SIDT1: variants seen among roughly 807,000 people sequenced by gnomAD.
SIDT1 encodes the protein SID1 transmembrane family member 1, also known as SID1 transmembrane family, member 1.
Under a neutral mutation model 107.5 loss-of-function variants are expected in SIDT1, and 101 were observed. That is an observed-to-expected ratio of 0.94 (90% CI 0.80 to 1.11). The LOEUF (loss-of-function observed/expected upper bound fraction) is 1.11. SIDT1 is among the 50% of genes least tolerant of loss of function. SIDT1 has a pLI of 0.00. For missense variants in SIDT1, 1,076 were observed against 1,058.2 expected, an observed-to-expected ratio of 1.02 and a Z score of -0.23; for synonymous variants, 395 against 398.2, an observed-to-expected ratio of 0.99 and a Z score of 0.10.
intron 1 of SIDT1, among the ~76,000 whole-genome samples, chr3:113,564,762 G>A (rs989440257): frequency 6.6e-6 from 1 of 152,172 alleles, no homozygotes. Context: ...AGTGTGAGGT[G>A]CCTGTGGAAG....
At chr3:113,604,301 C>G (rs1159609523) in intron 13 of SIDT1, among the ~76,000 whole-genome samples, 3 of 152,210 alleles carry the variant, frequency 2.0e-5, no homozygotes, top group African/African-American at 7.2e-5. Flanking sequence ...GACAGCTCCT[C>G]CCCTTATTTT....
intron 1 of SIDT1, among the ~76,000 whole-genome samples, chr3:113,556,832 T>TTTTTTTC (rs1387740383): frequency 6.2e-5 from 9 of 144,116 alleles, no homozygotes; most frequent in Non-Finnish European, 1.1e-4. Flanking sequence ...TTTTTTTTTT[T>TTTTTTTC]TTTTTGAAAT....
intron 17 of SIDT1, among the ~76,000 whole-genome samples, chr3:113,608,990 T>C (rs1205993079): frequency 6.6e-6 from 1 of 151,870 alleles, no homozygotes; most frequent in Non-Finnish European, 1.5e-5. Flanking sequence ...GCAAGGAAGT[T>C]GTTTTTTGAG....
chr3:113,609,055 A>ATTTTT (rs1181141439), intron 17 of SIDT1, among the ~76,000 whole-genome samples: 2 of 103,996 alleles, frequency 1.9e-5, no homozygotes, highest in African/African-American at 7.8e-5. Flanking sequence ...TCATGAGCCC[A>ATTTTT]TTCTTTTTTT....
At chr3:113,563,450 G>A (rs1941617879) in intron 1 of SIDT1, among the ~76,000 whole-genome samples, 1 of 152,150 alleles carries the variant, frequency 6.6e-6, no homozygotes, top group East Asian at 1.9e-4. Flanking sequence ...CAAAATTCAG[G>A]AAAAAGATTG....
intron 1 of SIDT1, among the ~76,000 whole-genome samples, chr3:113,537,462 G>C (rs1938303999): frequency 6.6e-6 from 1 of 152,166 alleles, no homozygotes; most frequent in African/African-American, 2.4e-5. Context: ...TTAAAACTTT[G>C]ATATGATGGC....
intron 4 of SIDT1, among the ~76,000 whole-genome samples, chr3:113,579,329 C>G (rs553333170): frequency 1.3e-5 from 2 of 152,294 alleles, no homozygotes; most frequent in East Asian, 3.9e-4. Flanking sequence ...AAACCAATTA[C>G]TAGCATATAT....
intron 12 of SIDT1, among the ~76,000 whole-genome samples, chr3:113,603,565 G>A (rs1006662523): frequency 2.6e-5 from 4 of 152,166 alleles, no homozygotes; most frequent in African/African-American, 9.7e-5. Flanking sequence ...TCCAGCAAAA[G>A]ATATGAAGGG....
chr3:113,549,380 G>A (rs1158894977), intron 1 of SIDT1, among the ~76,000 whole-genome samples: 1 of 152,174 alleles, frequency 6.6e-6, no homozygotes, highest in African/African-American at 2.4e-5. Context: ...CACCAGCAAT[G>A]AATGAGAGTT....
chr3:113,566,415 T>A lies in SIDT1; in HGVS notation c.223-5T>A, dbSNP rs755115841. The stretch of plus-strand genomic sequence containing the variant: ...TGCATTACCTCTTTCTACCCTGCCA[T>A]GCAGGTGACAGCCGTGAGGGTGTAT... On this transcript the variant is annotated splice_region_variant and splice_polypyrimidine_tract_variant and intron_variant, in intron 1 of 24. Coordinates refer to ENST00000264852, the MANE Select transcript of SIDT1 (RefSeq NM_017699.3). 5 of 1,613,262 alleles carry A rather than the reference T, an allele frequency of 3.1e-6. No individual in the cohort carries two copies. The Admixed American group carries it at 8.3e-5, about 27-fold the overall frequency.
At chr3:113,558,861 T>C (rs993670873) in intron 1 of SIDT1, among the ~76,000 whole-genome samples, 1 of 152,368 alleles carries the variant, frequency 6.6e-6, no homozygotes, top group African/African-American at 2.4e-5. Context: ...TTTCTGAGTA[T>C]ATATATTTTA....
At chr3:113,594,200 T>C (rs550560399) in intron 10 of SIDT1, among the ~76,000 whole-genome samples, 141 of 152,310 alleles carry the variant, frequency 9.3e-4, no homozygotes, top group African/African-American at 3.3e-3. Context: ...TTCTTTTTAA[T>C]GTTTGTCTTC....
At chr3:113,610,358 G>A (rs922953214) in intron 17 of SIDT1, among the ~76,000 whole-genome samples, 23 of 152,180 alleles carry the variant, frequency 1.5e-4, no homozygotes, top group African/African-American at 5.5e-4. Flanking sequence ...CCCAATAGCT[G>A]TGTGAGACTT....
chr3:113,635,507 G>C, the SIDT1 span, among the ~76,000 whole-genome samples: 1 of 152,170 alleles, frequency 6.6e-6, no homozygotes, highest in African/African-American at 2.4e-5. Context: ...GGGCCCAGCT[G>C]TCTTCTCCTA....
chr3:113,566,522 C>T lies in SIDT1; in HGVS notation c.325C>T (p.Pro109Ser). Residue 109 changes from proline to serine, a missense_variant, in exon 2 of 25, where the codon CCT (proline) becomes TCT (serine). Transcript: ENST00000264852. ...GAAAGAGGTGCTGTCCTGGCAGGTT[C>T]CTCTGCTCTTCCAAGGACTGTAAGT... Reference protein sequence around the residue: ...QQKEVLSWQVPLLFQGLYQRS... With the variant: ...QQKEVLSWQVSLLFQGLYQRS... 6.2e-7 allele frequency: 1 copy of T among 1,614,054 alleles called. No individual in the cohort carries two copies. Among genetic ancestry groups the T allele is most frequent in the South Asian group, 1.1e-5 (1 of 91,058 alleles).
chr3:113,623,572 G>C (rs1428431364), intron 22 of SIDT1, 40 bp downstream of exon 22: 1 of 1,599,458 alleles, frequency 6.3e-7, no homozygotes, highest in South Asian at 1.1e-5. Context: ...CGGGCCCTCG[G>C]GCAGGCGAAG....
At chr3:113,622,509 TAAGA>T (rs1443548649) in intron 21 of SIDT1, among the ~76,000 whole-genome samples, 1 of 107,138 alleles carries the variant, frequency 9.3e-6, no homozygotes, top group East Asian at 2.5e-4. Context: ...AACAAAGAGA[TAAGA>T]AAGAATTATG....
intron 1 of SIDT1, among the ~76,000 whole-genome samples, chr3:113,542,742 C>G (rs1560009106): frequency 6.6e-6 from 1 of 152,124 alleles, no homozygotes; most frequent in Non-Finnish European, 1.5e-5. Flanking sequence ...GATTTTCTTT[C>G]TGAGATCTGC....
In SIDT1 at chr3:113,567,546, G is replaced by T; in HGVS notation, c.351G>T (p.Gln117His). ...CCTATATTGGCTGCTTCAGATACCA[G>T]AGGAGCTACAACTATCAAGAAGTGA... ...QVPLLFQGLY[Q>H]RSYNYQEVSR... The change falls in exon 3 of 25, where the codon CAG (glutamine) becomes CAT (histidine). Residue 117 changes from glutamine (Q) to histidine (H), a missense_variant. Coordinates refer to ENST00000264852, the MANE Select transcript of SIDT1 (RefSeq NM_017699.3). 1 of 1,612,114 alleles carries T rather than the reference G, an allele frequency of 6.2e-7. No homozygotes were observed. Among genetic ancestry groups the T allele is most frequent in the Non-Finnish European group, 8.5e-7 (1 of 1,179,118 alleles).
Sources: gnomAD v4.1 joint callset for allele counts (sites outside exome capture counted in the v4.1 genomes callset) on GRCh38, gnomAD v4.1.1 for gene constraint, MANE v1.5 for transcripts, NCBI Gene and HGNC (gene_info 2026-07-23, HGNC 2026-07-21) for gene names.